PUM1: variants seen among roughly 807,000 people sequenced by gnomAD.
The protein encoded by PUM1 is pumilio RNA binding family member 1, also known as pumilio homolog 1.
Under a neutral mutation model 131.8 loss-of-function variants are expected in PUM1, and 13 were observed. The observed-to-expected ratio is 0.10, with a 90% CI of 0.06 to 0.16. PUM1 has a LOEUF of 0.16. Ranked by LOEUF, PUM1 falls within the 10% of genes least tolerant of loss-of-function variation. The pLI is 1.00. For missense variants in PUM1, 961 were observed against 1,512.4 expected, an observed-to-expected ratio of 0.64 and a Z score of 6.05; for synonymous variants, 509 against 556.5, an observed-to-expected ratio of 0.91 and a Z score of 1.20.
At chr1:30,992,918 G>C (rs1165232968) in intron 6 of PUM1, among the ~76,000 whole-genome samples, 1 of 152,100 alleles carries the variant, frequency 6.6e-6, no homozygotes, top group East Asian at 1.9e-4. Flanking sequence ...TTCACCAAGG[G>C]GGCCGGGTTT....
chr1:30,933,439 T>TACACACATAC (rs1639045304), intron 21 of PUM1, 97 bp from the exon 22 acceptor site: 7 of 363,896 alleles, frequency 1.9e-5, no homozygotes, highest in Middle Eastern at 7.8e-4. Flanking sequence ...CACACACACA[T>TACACACATAC]ACACACACAC....
intron 21 of PUM1, among the ~76,000 whole-genome samples, chr1:30,935,123 G>T (rs1407997771): frequency 6.6e-6 from 1 of 152,078 alleles, no homozygotes; most frequent in African/African-American, 2.4e-5. Flanking sequence ...TCTCATCACT[G>T]CCTCCCTCCT....
At chr1:30,966,976 C>T (rs2124441512) in intron 12 of PUM1, 191 bp downstream of exon 12, 1 of 590,214 alleles carries the variant, frequency 1.7e-6, no homozygotes. Context: ...CCTCCCCCAA[C>T]CCACCAACCC....
At chr1:31,046,664 C>CA (rs754538887) in intron 2 of PUM1, among the ~76,000 whole-genome samples, 2 of 151,698 alleles carry the variant, frequency 1.3e-5, no homozygotes, top group Non-Finnish European at 2.9e-5. Flanking sequence ...CCTGCCACCA[C>CA]ACACAGCATG....
At chr1:30,989,310 G>A (rs1038405429) in intron 7 of PUM1, among the ~76,000 whole-genome samples, 2 of 152,132 alleles carry the variant, frequency 1.3e-5, no homozygotes, top group African/African-American at 2.4e-5. Context: ...AGTGGCTCAT[G>A]CCTGTAATCT....
At chr1:30,943,659 G>GTA (rs1183700042) in intron 18 of PUM1, among the ~76,000 whole-genome samples, 1 of 152,138 alleles carries the variant, frequency 6.6e-6, no homozygotes, top group East Asian at 1.9e-4. Context: ...AGGTCTCATG[G>GTA]TATACATGTA....
chr1:30,980,882 A>G (rs939497956), intron 8 of PUM1, among the ~76,000 whole-genome samples: 2 of 152,242 alleles, frequency 1.3e-5, no homozygotes, highest in African/African-American at 4.8e-5. Context: ...ATCGGTAATT[A>G]TATGAGAATA....
At chr1:30,983,146 A>G (rs1369550678) in intron 7 of PUM1, among the ~76,000 whole-genome samples, 1 of 152,252 alleles carries the variant, frequency 6.6e-6, no homozygotes, top group African/African-American at 2.4e-5. Context: ...TTGGTTTCAC[A>G]TTTCTGTTTT....
chr1:30,965,504 A>C (rs905811083), intron 13 of PUM1, among the ~76,000 whole-genome samples: 1 of 152,182 alleles, frequency 6.6e-6, no homozygotes, highest in Non-Finnish European at 1.5e-5. Flanking sequence ...CAAAACATTA[A>C]AAATATCTTG....
chr1:31,015,023 T>C (rs747997594), intron 3 of PUM1, among the ~76,000 whole-genome samples: 1 of 151,996 alleles, frequency 6.6e-6, no homozygotes, highest in Non-Finnish European at 1.5e-5. Flanking sequence ...TCACCAAAAA[T>C]AGCCATAATG....
chr1:31,018,317 C>T (rs1203397446), intron 3 of PUM1, among the ~76,000 whole-genome samples: 1 of 151,422 alleles, frequency 6.6e-6, no homozygotes, highest in Non-Finnish European at 1.5e-5. Flanking sequence ...CCACTGCACT[C>T]AAGCCTGGAT....
chr1:30,943,367 A>G (rs1639539992), intron 18 of PUM1, among the ~76,000 whole-genome samples: 1 of 151,970 alleles, frequency 6.6e-6, no homozygotes, highest in Non-Finnish European at 1.5e-5. Context: ...GGCTCAAGCA[A>G]TTCTCCTGCT....
At chr1:31,023,754 C>A (rs983453327) in intron 3 of PUM1, among the ~76,000 whole-genome samples, 1 of 151,978 alleles carries the variant, frequency 6.6e-6, no homozygotes, top group South Asian at 2.1e-4. Context: ...CATGGTGAAA[C>A]CCCGTCTACT....
chr1:30,944,041 T>G (rs181502426), intron 18 of PUM1, among the ~76,000 whole-genome samples: 1 of 152,352 alleles, frequency 6.6e-6, no homozygotes, highest in East Asian at 1.9e-4. Context: ...TCTCTCCTGG[T>G]GGATTTATCG....
intron 6 of PUM1, among the ~76,000 whole-genome samples, 173 bp from the exon 7 acceptor site, chr1:30,992,833 T>C (rs566876070): frequency 3.3e-5 from 5 of 152,374 alleles, no homozygotes; most frequent in South Asian, 4.1e-4. Flanking sequence ...ATCTTCTAAA[T>C]TGATGCTTCT....
At chr1:31,024,500 T>C (rs538889878) in intron 3 of PUM1, among the ~76,000 whole-genome samples, 2 of 152,358 alleles carry the variant, frequency 1.3e-5, no homozygotes, top group Non-Finnish European at 2.9e-5. Context: ...CTTGTTATAA[T>C]CAAGGGTATG....
intron 3 of PUM1, among the ~76,000 whole-genome samples, chr1:31,015,429 C>T (rs1275612261): frequency 1.3e-5 from 2 of 151,882 alleles, no homozygotes; most frequent in Non-Finnish European, 2.9e-5. Flanking sequence ...GCAAGCTCCA[C>T]CTCCTGGGTT....
intron 3 of PUM1, among the ~76,000 whole-genome samples, chr1:31,018,212 A>C (rs1037620221): frequency 6.6e-6 from 1 of 151,914 alleles, no homozygotes; most frequent in African/African-American, 2.4e-5. Flanking sequence ...AGCTGGGTGT[A>C]GTGGCACATG....
chr1:30,983,496 G>GA, intron 7 of PUM1, among the ~76,000 whole-genome samples: 1 of 152,096 alleles, frequency 6.6e-6, no homozygotes, highest in Non-Finnish European at 1.5e-5. Flanking sequence ...TGGAACTGGG[G>GA]AAAAAAAGAC....
Sources: gnomAD v4.1 joint callset for allele counts (sites outside exome capture counted in the v4.1 genomes callset) on GRCh38, gnomAD v4.1.1 for gene constraint, MANE v1.5 for transcripts, NCBI Gene and HGNC (gene_info 2026-07-23, HGNC 2026-07-21) for gene names.